The following GRIP1 variants were observed in gnomAD, a reference collection of about 807,000 sequenced individuals.
GRIP1 encodes the protein glutamate receptor interacting protein 1.
Under a neutral mutation model 129.9 loss-of-function variants are expected in GRIP1, and 45 were observed. That is an observed-to-expected ratio of 0.35 (90% CI 0.27 to 0.44). GRIP1 has a LOEUF of 0.44. GRIP1 is among the 20% of genes least tolerant of loss of function. The pLI is 1.00. For synonymous variants in GRIP1, 530 were observed against 520.8 expected (o/e 1.02, Z -0.24); for missense variants, 1,196 against 1,396.8 (o/e 0.86, Z 2.29).
chr12:66,713,005 A>G (rs912427122), intron 1 of GRIP1, among the ~76,000 whole-genome samples: 3 of 151,990 alleles, frequency 2.0e-5, no homozygotes, highest in Admixed American at 2.0e-4. Flanking sequence ...AGTGAACATG[A>G]CATACTCAAA....
intron 1 of GRIP1, among the ~76,000 whole-genome samples, chr12:66,845,714 CT>C (rs2039801913): frequency 6.6e-6 from 1 of 152,112 alleles, no homozygotes; most frequent in South Asian, 2.1e-4. Context: ...AACATTAATA[CT>C]CTTTATACTA....
chr12:66,563,804 T>G (rs1178062386), intron 2 of GRIP1: 1 of 152,142 alleles, frequency 6.6e-6, no homozygotes, highest in Non-Finnish European at 1.5e-5. Flanking sequence ...TGATTTTTAA[T>G]TGTAAAAAAT....
At chr12:66,785,323 C>T (rs1369344124) in intron 1 of GRIP1, among the ~76,000 whole-genome samples, 158 of 55,896 alleles carry the variant, frequency 2.8e-3, no homozygotes, top group African/African-American at 9.2e-3. Flanking sequence ...TACATACATA[C>T]ATACATACAT....
chr12:67,044,308 G>A (rs142247541), intron 1 of GRIP1, among the ~76,000 whole-genome samples: 1 of 152,118 alleles, frequency 6.6e-6, no homozygotes, highest in Non-Finnish European at 1.5e-5. Flanking sequence ...TATGCGAATT[G>A]CTCCCAACTT....
chr12:66,543,753 T>G (rs2061860073), intron 2 of GRIP1, among the ~76,000 whole-genome samples: 1 of 152,232 alleles, frequency 6.6e-6, no homozygotes, highest in Non-Finnish European at 1.5e-5. Flanking sequence ...CCCAACAATT[T>G]TGCCAACAAA....
intron 1 of GRIP1, among the ~76,000 whole-genome samples, chr12:66,785,327 C>CAT (rs1415065185): frequency 1.6e-4 from 6 of 38,498 alleles, no homozygotes; most frequent in African/African-American, 4.7e-4. Context: ...TACATACATA[C>CAT]ATACATACAT....
At chr12:66,473,643 C>A (rs774773036) in intron 7 of GRIP1, among the ~76,000 whole-genome samples, 19 of 152,208 alleles carry the variant, frequency 1.2e-4, no homozygotes, top group Non-Finnish European at 2.6e-4. Context: ...GAACAGGCAG[C>A]AATCTTTGCT....
intron 1 of GRIP1, among the ~76,000 whole-genome samples, chr12:66,605,247 A>T (rs187933159): frequency 6.6e-6 from 1 of 152,296 alleles, no homozygotes; most frequent in East Asian, 1.9e-4. Flanking sequence ...AAACAATTAT[A>T]TCTCTTGACT....
At chr12:66,938,369 G>A (rs551249572) in intron 1 of GRIP1, among the ~76,000 whole-genome samples, 26 of 152,090 alleles carry the variant, frequency 1.7e-4, no homozygotes, top group African/African-American at 6.3e-4. Context: ...ACGAGACTCC[G>A]TTTCAATAAT....
intron 1 of GRIP1, among the ~76,000 whole-genome samples, chr12:67,037,805 A>ATTCT (rs2043121429): frequency 6.6e-6 from 1 of 152,204 alleles, no homozygotes; most frequent in African/African-American, 2.4e-5. Flanking sequence ...TATTATATTT[A>ATTCT]GTCTGTCAGT....
intron 1 of GRIP1, among the ~76,000 whole-genome samples, chr12:66,893,574 T>C (rs905463144): frequency 6.6e-6 from 1 of 152,228 alleles, no homozygotes; most frequent in African/African-American, 2.4e-5. Flanking sequence ...CATACTGATA[T>C]ACCAAAGTTT....
At chr12:67,056,262 C>CA (rs2043434115) in intron 1 of GRIP1, among the ~76,000 whole-genome samples, 1 of 152,204 alleles carries the variant, frequency 6.6e-6, no homozygotes, top group Non-Finnish European at 1.5e-5. Context: ...GCATCTATTG[C>CA]ATGATGTCTG....
intron 1 of GRIP1, among the ~76,000 whole-genome samples, chr12:66,686,312 A>G (rs1462322771): frequency 6.6e-6 from 1 of 152,214 alleles, no homozygotes; most frequent in East Asian, 1.9e-4. Flanking sequence ...CAAGAGCAAC[A>G]AAGAAAAAGG....
At chr12:66,918,876 C>G (rs1429805838) in intron 1 of GRIP1, among the ~76,000 whole-genome samples, 2 of 152,034 alleles carry the variant, frequency 1.3e-5, no homozygotes, top group African/African-American at 4.8e-5. Flanking sequence ...AAAATGAAAA[C>G]TAAGGGTACA....
At chr12:66,986,547 A>G (rs536381512) in intron 1 of GRIP1, among the ~76,000 whole-genome samples, 309 of 150,540 alleles carry the variant, frequency 2.1e-3, no homozygotes, top group Non-Finnish European at 2.7e-3. Flanking sequence ...ATGAAATTGG[A>G]AATCATCATT....
intron 1 of GRIP1, among the ~76,000 whole-genome samples, chr12:66,636,430 C>A (rs1427641377): frequency 6.6e-6 from 1 of 152,164 alleles, no homozygotes; most frequent in Non-Finnish European, 1.5e-5. Context: ...TGTTTACCAA[C>A]AACCACAATG....
chr12:66,760,148 C>T (rs966170734), intron 1 of GRIP1, among the ~76,000 whole-genome samples: 1 of 152,154 alleles, frequency 6.6e-6, no homozygotes, highest in South Asian at 2.1e-4. Flanking sequence ...GCCACCTTGC[C>T]CAGCACACTA....
At chr12:66,393,953 C>G (rs1478418227) in intron 17 of GRIP1, among the ~76,000 whole-genome samples, 1 of 152,116 alleles carries the variant, frequency 6.6e-6, no homozygotes. Flanking sequence ...CGCCTTCAGT[C>G]AATTGTGGTC....
chr12:66,812,287 C>A (rs550139672), intron 1 of GRIP1, among the ~76,000 whole-genome samples: 2 of 152,288 alleles, frequency 1.3e-5, no homozygotes, highest in South Asian at 4.2e-4. Flanking sequence ...GCACCCACCA[C>A]CATGCTTGGC....
Sources: gnomAD v4.1 joint callset for allele counts (sites outside exome capture counted in the v4.1 genomes callset) on GRCh38, gnomAD v4.1.1 for gene constraint, MANE v1.5 for transcripts, NCBI Gene and HGNC (gene_info 2026-07-23, HGNC 2026-07-21) for gene names.